C8orf34: variants seen among roughly 807,000 people sequenced by gnomAD.
C8orf34 encodes the protein chromosome 8 open reading frame 34.
In C8orf34, 65 loss-of-function variants were observed where a neutral mutation model predicts 68.3. The ratio of observed to expected loss-of-function variants is 0.95; its 90% confidence interval spans 0.78 to 1.17. C8orf34 has a LOEUF of 1.17. C8orf34 is among the 50% of genes most tolerant of loss of function. The pLI is 0.00. For missense variants in C8orf34, 664 were observed against 655.4 expected, an observed-to-expected ratio of 1.01 and a Z score of -0.14; for synonymous variants, 244 against 241.2, an observed-to-expected ratio of 1.01 and a Z score of -0.11.
chr8:68,782,515 A>C (rs903018698), intron 11 of C8orf34, among the ~76,000 whole-genome samples: 3 of 124,326 alleles, frequency 2.4e-5, no homozygotes, highest in Non-Finnish European at 4.8e-5. Flanking sequence ...ATCTAGACCT[A>C]GATAGATACT....
At chr8:68,356,230 G>C (rs1015562886) in intron 1 of C8orf34, among the ~76,000 whole-genome samples, 14 of 152,118 alleles carry the variant, frequency 9.2e-5, no homozygotes, top group African/African-American at 2.7e-4. Context: ...AATATTCTTA[G>C]CAGTTTATGG....
intron 7 of C8orf34, among the ~76,000 whole-genome samples, chr8:68,586,379 C>T (rs2130390853): frequency 6.6e-6 from 1 of 152,236 alleles, no homozygotes; most frequent in Middle Eastern, 3.4e-3. Flanking sequence ...TTGGCCACTT[C>T]CTTGTTGTTT....
At chr8:68,807,132 G>C (rs1824510907) in intron 12 of C8orf34, among the ~76,000 whole-genome samples, 1 of 152,188 alleles carries the variant, frequency 6.6e-6, no homozygotes, top group African/African-American at 2.4e-5. Flanking sequence ...AAGTGGAAAA[G>C]TCCTGTTCCT....
chr8:68,532,689 C>T (rs1815299360), intron 6 of C8orf34, among the ~76,000 whole-genome samples: 1 of 152,274 alleles, frequency 6.6e-6, no homozygotes, highest in African/African-American at 2.4e-5. Flanking sequence ...TCTAGCTCTT[C>T]TTTAAAAATC....
At chr8:68,672,446 C>A (rs1820044156) in intron 8 of C8orf34, among the ~76,000 whole-genome samples, 1 of 152,312 alleles carries the variant, frequency 6.6e-6, no homozygotes, top group Admixed American at 6.5e-5. Flanking sequence ...AAGAGAGAAT[C>A]TGTGGGCTTA....
intron 5 of C8orf34, among the ~76,000 whole-genome samples, chr8:68,496,135 G>A (rs72664977): frequency 6.6e-6 from 1 of 152,144 alleles, no homozygotes; most frequent in Non-Finnish European, 1.5e-5. Context: ...TTAAGAAATA[G>A]ACTTCAGATA....
In C8orf34 at chr8:68,453,992, C is replaced by T. The variant is rs141048030; in HGVS notation, c.607+7532C>T. On this transcript the variant is annotated intron_variant, in intron 3 of 13. Transcript: ENST00000518698. ...GGATATTTTTATGATGGAAGTGTGTCGCATTTTTTTCCAGTGCTTTTTCTC... is the reference window on the plus strand; with the variant it reads ...GGATATTTTTATGATGGAAGTGTGTTGCATTTTTTTCCAGTGCTTTTTCTC... Among the ~76,000 whole-genome samples the T allele has an allele frequency of 4.7e-3, 713 of 151,980 alleles. 7 individuals are homozygous for T. Among genetic ancestry groups the T allele is most frequent in the Admixed American group, 0.023 (344 of 15,242 alleles).
At chr8:68,592,037 TA>T (rs1407279714) in intron 7 of C8orf34, among the ~76,000 whole-genome samples, 1 of 152,168 alleles carries the variant, frequency 6.6e-6, no homozygotes, top group Non-Finnish European at 1.5e-5. Flanking sequence ...TTTGCGCTTT[TA>T]AAAAAATTTA....
chr8:68,616,090 A>G (rs887456465), intron 7 of C8orf34, among the ~76,000 whole-genome samples: 26 of 151,352 alleles, frequency 1.7e-4, no homozygotes, highest in Admixed American at 1.6e-3. Context: ...AGGTGTTTGT[A>G]GTATTCTCTG....
At chr8:68,643,717 C>A (rs1434932) in intron 8 of C8orf34, among the ~76,000 whole-genome samples, 50,942 of 151,986 alleles carry the variant, frequency 0.34, 9,764 homozygotes, top group Non-Finnish European at 0.42. Flanking sequence ...CTCCCAATAT[C>A]CCTACCTCCT....
In C8orf34 at chr8:68,816,103, A is replaced by AGT. The variant is rs200556315; in HGVS notation, c.1609+159_1609+160insTG. Reference sequence around the variant, plus strand: ...CTGCATAAGATTATAAGATTTCCTAAGAGTGTGTGTGTGTGTGTGTGTGTG... The same window carrying AGT: ...CTGCATAAGATTATAAGATTTCCTAAGTGAGTGTGTGTGTGTGTGTGTGTGTG... On this transcript the variant is annotated intron_variant, in intron 13 of 13. Transcript: ENST00000518698. Among the ~76,000 whole-genome samples, 497 of 104,668 alleles carry AGT rather than the reference A, an allele frequency of 4.7e-3. 5 individuals carry two copies. The highest frequency in any genetic ancestry group is 0.019 in the African/African-American group (464 of 24,116). 68.7% of individuals were successfully genotyped at this position (104,668 alleles called of 152,430 possible).
chr8:68,388,099 G>C (rs769176102), intron 1 of C8orf34, among the ~76,000 whole-genome samples: 1 of 152,108 alleles, frequency 6.6e-6, no homozygotes, highest in Non-Finnish European at 1.5e-5. Context: ...CATGAAGATT[G>C]CTTCTGGTTT....
Position 68,331,262 on chromosome 8 carries a change from C to CTGTT in C8orf34, c.251_254dup (p.Pro86ValfsTer25), listed in dbSNP as rs1805573698. 2 of 1,536,434 alleles carry CTGTT rather than the reference C, an allele frequency of 1.3e-6. No individual in the cohort carries two copies. Among genetic ancestry groups the CTGTT allele is most frequent in the East Asian group, 4.9e-5 (2 of 40,902 alleles). On this transcript the variant is annotated frameshift_variant, in exon 1 of 14. Transcript: ENST00000518698. LOFTEE classifies it high-confidence loss of function. ...CCCTGCACTCTCTTCGCGGTCCCAT[C>CTGTT]TGTTCCCCATGGCGTCTCATCCGCA...
At chr8:68,794,375 T>G (rs2129529263) in intron 12 of C8orf34, among the ~76,000 whole-genome samples, 1 of 125,924 alleles carries the variant, frequency 7.9e-6, no homozygotes, top group Middle Eastern at 3.8e-3. Flanking sequence ...CTCGCTATAT[T>G]GCCCAGGCTG....
At chr8:68,475,317 A>G (rs943672333) in intron 4 of C8orf34, among the ~76,000 whole-genome samples, 2 of 152,134 alleles carry the variant, frequency 1.3e-5, no homozygotes, top group Non-Finnish European at 2.9e-5. Context: ...GAACACACTT[A>G]TATGCTATGA....
At chr8:68,575,680 G>A (rs1816880866) in intron 7 of C8orf34, among the ~76,000 whole-genome samples, 2 of 151,938 alleles carry the variant, frequency 1.3e-5, no homozygotes, top group African/African-American at 2.4e-5. Flanking sequence ...CCCTTACTAT[G>A]GACCCTGCTT....
At chr8:68,648,181 C>T (rs960126091) in intron 8 of C8orf34, among the ~76,000 whole-genome samples, 23 of 152,022 alleles carry the variant, frequency 1.5e-4, no homozygotes, top group South Asian at 4.2e-4. Context: ...TAGATATCCT[C>T]GAATGATATG....
chr8:68,767,957 T>G (rs1453497775), intron 10 of C8orf34, among the ~76,000 whole-genome samples: 1 of 152,246 alleles, frequency 6.6e-6, no homozygotes, highest in Non-Finnish European at 1.5e-5. Context: ...ATCCTTTCCC[T>G]CACTTACTAT....
At chr8:68,566,836 T>C (rs1816605020) in intron 7 of C8orf34, among the ~76,000 whole-genome samples, 1 of 152,220 alleles carries the variant, frequency 6.6e-6, no homozygotes, top group Non-Finnish European at 1.5e-5. Context: ...GTTTTCATCA[T>C]AAAGGGATGC....
Sources: gnomAD v4.1 joint callset for allele counts (sites outside exome capture counted in the v4.1 genomes callset) on GRCh38, gnomAD v4.1.1 for gene constraint, MANE v1.5 for transcripts, NCBI Gene and HGNC (gene_info 2026-07-23, HGNC 2026-07-21) for gene names.